Variants in RNF13 observed in about 807,000 individuals in gnomAD.
RNF13 encodes the protein E3 ubiquitin-protein ligase RNF13.
A neutral mutation model predicts 37.7 loss-of-function variants in RNF13; 19 were observed. The ratio of observed to expected loss-of-function variants is 0.50; its 90% CI spans 0.35 to 0.74. The LOEUF (loss-of-function observed/expected upper bound fraction) is 0.74, where lower values mean the gene tolerates loss of function less well. Among genes scored for constraint, RNF13 ranks in the 30% least tolerant of loss-of-function variants. The pLI, the probability that RNF13 is intolerant of heterozygous loss-of-function variation, is 0.01. For synonymous variants in RNF13, 144 were observed against 157.8 expected (o/e 0.91, Z 0.65); for missense variants, 375 against 453.0 (o/e 0.83, Z 1.56).
intron 2 of RNF13, among the ~76,000 whole-genome samples, chr3:149,851,912 G>C (rs1291222407): frequency 6.6e-6 from 1 of 152,096 alleles, no homozygotes; most frequent in East Asian, 1.9e-4. Context: ...AATAAATATT[G>C]TAGCTTTGGA....
chr3:149,865,487 A>G (rs1724721363), intron 3 of RNF13, among the ~76,000 whole-genome samples: 1 of 151,766 alleles, frequency 6.6e-6, no homozygotes, highest in Non-Finnish European at 1.5e-5. Context: ...TTTTTGAGAG[A>G]GAGAGTCTCA....
At chr3:149,853,335 G>T (rs1723283837) in intron 3 of RNF13, among the ~76,000 whole-genome samples, 1 of 152,050 alleles carries the variant, frequency 6.6e-6, no homozygotes, top group African/African-American at 2.4e-5. Context: ...TAACATCTGA[G>T]ACTGTCCTTT....
rs1320940724 is a variant in RNF13, at chr3:149,846,057, T to C, written c.31T>C (p.Ser11Pro). MLLSIGMLML[S>P]ATQVYTILTV... ...GCTCTCCATAGGGATGCTCATGCTG[T>C]CAGCCACACAAGTCTACACCATCTT... is the stretch of plus-strand genomic sequence containing the variant. The change falls in exon 2 of 10, where the codon TCA (serine) becomes CCA (proline). Residue 11 changes from serine (S) to proline (P), a missense_variant. Physicochemically the swap from Ser to Pro is moderately conservative, Grantham distance 74. Coordinates refer to ENST00000392894, the MANE Select transcript of RNF13 (RefSeq NM_183381.3). 1.9e-6 allele frequency: 3 copies of C among 1,612,090 alleles called. No individual in the cohort carries two copies. The highest frequency in any genetic ancestry group is 2.5e-6 in the Non-Finnish European group (3 of 1,179,730).
At chr3:149,835,413 CCT>C (rs1721496571) in intron 1 of RNF13, among the ~76,000 whole-genome samples, 1 of 152,014 alleles carries the variant, frequency 6.6e-6, no homozygotes, top group South Asian at 2.1e-4. Flanking sequence ...GCAGTATACA[CCT>C]TCACCCCCTC....
chr3:149,858,285 C>G (rs1376213838), intron 3 of RNF13, among the ~76,000 whole-genome samples: 1 of 152,166 alleles, frequency 6.6e-6, no homozygotes, highest in Non-Finnish European at 1.5e-5. Context: ...GTAGTCAAGA[C>G]TTTACATGTG....
chr3:149,961,418 A>C lies in RNF13; in HGVS notation c.*314A>C, dbSNP rs1285990024. On this transcript the variant is annotated 3_prime_UTR_variant, in exon 10 of 10. Coordinates refer to ENST00000392894, the MANE Select transcript of RNF13 (RefSeq NM_183381.3). ...ATTAAGACCTAGATCACAGTATTTA[A>C]GTGTTTTGCGTTTTATACATGAGGT... is the stretch of plus-strand genomic sequence containing the variant. 4.0e-6 allele frequency: 2 copies of C among 495,306 alleles called. No homozygotes were observed. Among genetic ancestry groups the C allele is most frequent in the South Asian group, 3.3e-5 (2 of 61,512 alleles). 30.7% of individuals were successfully genotyped at this position (495,306 alleles called of 1,614,324 possible). A position where few individuals can be genotyped will look rare whatever the true frequency, so the allele number is the denominator to read the frequency against.
At chr3:149,896,164 A>G (rs1323473428) in intron 5 of RNF13, among the ~76,000 whole-genome samples, 1 of 152,208 alleles carries the variant, frequency 6.6e-6, no homozygotes, top group African/African-American at 2.4e-5. Flanking sequence ...TCTATTACTC[A>G]GGGCACTATG....
intron 3 of RNF13, among the ~76,000 whole-genome samples, chr3:149,860,174 A>G (rs1465322435): frequency 4.0e-5 from 6 of 149,978 alleles, no homozygotes; most frequent in Admixed American, 2.0e-4. Flanking sequence ...GCTGAGGAGA[A>G]TCATTGAACG....
intron 1 of RNF13, among the ~76,000 whole-genome samples, chr3:149,834,318 T>C (rs1342379026): frequency 2.0e-5 from 3 of 152,250 alleles, no homozygotes; most frequent in Admixed American, 1.3e-4. Context: ...TTGTAGGTCG[T>C]ATACTTCCTG....
At chr3:149,844,689 C>T (rs1270446474) in intron 1 of RNF13, among the ~76,000 whole-genome samples, 1 of 152,140 alleles carries the variant, frequency 6.6e-6, no homozygotes, top group African/African-American at 2.4e-5. Flanking sequence ...TGTGTTAACT[C>T]TTTTCTGTAC....
Position 149,941,384 on chromosome 3 carries a change from G to C in RNF13, c.701-18672G>C, listed in dbSNP as rs146935854. 2.9e-3 allele frequency among the ~76,000 whole-genome samples: 439 copies of C among 152,160 alleles called. 2 individuals are homozygous for C. Among genetic ancestry groups the C allele is most frequent in the African/African-American group, 9.2e-3 (384 of 41,530 alleles). ...TGCTCTTTTGTTAGTGGCCATTCTA[G>C]TGAGTATGAGTCGATATCTCATTGT... On this transcript the variant is annotated intron_variant, in intron 8 of 9. Coordinates refer to ENST00000392894, the MANE Select transcript of RNF13 (RefSeq NM_183381.3).
intron 7 of RNF13, chr3:149,917,354 C>T (rs918715313): frequency 6.6e-6 from 1 of 152,166 alleles, no homozygotes; most frequent in African/African-American, 2.4e-5. Context: ...AATTCTATTG[C>T]TCAATAAAAA....
intron 4 of RNF13, among the ~76,000 whole-genome samples, chr3:149,891,309 C>G (rs767344897): frequency 6.6e-5 from 10 of 152,204 alleles, no homozygotes; most frequent in Non-Finnish European, 1.3e-4. Context: ...TAAAAGGTCT[C>G]TATTCATGAT....
chr3:149,886,489 T>C (rs979811102), intron 4 of RNF13, among the ~76,000 whole-genome samples: 37 of 152,214 alleles, frequency 2.4e-4, no homozygotes, highest in African/African-American at 8.9e-4. Context: ...TTTAGTAGTT[T>C]ATTTGTGGAT....
chr3:149,942,688 A>C (rs9879862), intron 8 of RNF13, among the ~76,000 whole-genome samples: 36,642 of 151,968 alleles, frequency 0.24, 4,874 homozygotes, highest in Middle Eastern at 0.34. Context: ...TATGTTTTCT[A>C]TTTCATTTTC....
chr3:149,877,076 G>A (rs1182123040), intron 4 of RNF13, among the ~76,000 whole-genome samples: 2 of 151,964 alleles, frequency 1.3e-5, no homozygotes, highest in Admixed American at 6.6e-5. Flanking sequence ...CACCACACCC[G>A]GCCCGTATCT....
chr3:149,849,357 C>G (rs947462277), intron 2 of RNF13, among the ~76,000 whole-genome samples: 2 of 151,898 alleles, frequency 1.3e-5, no homozygotes, highest in African/African-American at 4.8e-5. Context: ...GAATTGGTTG[C>G]TGGGTAGTGA....
chr3:149,866,973 C>G (rs1219935549), intron 3 of RNF13, among the ~76,000 whole-genome samples: 1 of 152,088 alleles, frequency 6.6e-6, no homozygotes, highest in Non-Finnish European at 1.5e-5. Context: ...GTTCCATGTG[C>G]TGATAAAAAT....
rs768071913 is a variant in RNF13 at position 149,876,771 on chromosome 3, CTTTTTTTTT to C, written c.321+4633_321+4641del. On this transcript the variant is annotated intron_variant, in intron 4 of 9. Coordinates refer to ENST00000392894, the MANE Select transcript of RNF13 (RefSeq NM_183381.3). ...TTCTTCAAGGTAGAAGTCATCATAT[CTTTTTTTTT>C]TTTTTTTTTTTTTTTGAGATGGAGT... Among the ~76,000 whole-genome samples the C allele has an allele frequency of 3.6e-4, 30 of 82,496 alleles. 1 individual carries two copies. Among genetic ancestry groups the C allele is most frequent in the Non-Finnish European group, 1.1e-4 (5 of 44,048 alleles). 54.1% of individuals were successfully genotyped at this position (82,496 alleles called of 152,430 possible). A position where few individuals can be genotyped will look rare whatever the true frequency, so the allele number is the denominator to read the frequency against.
Sources: allele counts gnomAD v4.1 joint callset (sites outside exome capture counted in the v4.1 genomes callset), GRCh38; gene constraint gnomAD v4.1.1; transcripts MANE v1.5; gene names NCBI Gene and HGNC (gene_info 2026-07-23, HGNC 2026-07-21).